Variants in PLEKHM2 observed in about 807,000 individuals in gnomAD.
PLEKHM2 encodes pleckstrin homology and RUN domain containing M2, also known as pleckstrin homology domain-containing family M member 2.
PLEKHM2 carries 77 observed loss-of-function variants against 116.3 expected under a neutral mutation model. The ratio of observed to expected loss-of-function variants is 0.66; its 90% confidence interval spans 0.55 to 0.80. The LOEUF (loss-of-function observed/expected upper bound fraction) is 0.80. Among genes scored for constraint, PLEKHM2 ranks in the 30% least tolerant of loss-of-function variants. The probability of loss-of-function intolerance (pLI) is 0.00; values close to 1 mark genes in which losing one functional copy is unlikely to be tolerated. For missense variants in PLEKHM2, 1,183 were observed against 1,354.9 expected, an observed-to-expected ratio of 0.87 and a Z score of 1.99; for synonymous variants, 562 against 571.0, an observed-to-expected ratio of 0.98 and a Z score of 0.22.
In PLEKHM2 at chr1:15,716,348, G is replaced by T; in HGVS notation, c.167+5G>T. 6.4e-7 allele frequency: 1 copy of T among 1,561,054 alleles called. No individual in the cohort carries two copies. On this transcript the variant is annotated splice_donor_5th_base_variant and intron_variant, in intron 2 of 19. Coordinates refer to ENST00000375799, the MANE Select transcript of PLEKHM2 (RefSeq NM_015164.4). ...GGACCACGCCCTGCTGTACGGGTAAGGTGGAGGAAGTTTCCAAAGATGACG... is the reference window on the plus strand; with the variant it reads ...GGACCACGCCCTGCTGTACGGGTAATGTGGAGGAAGTTTCCAAAGATGACG...
At chr1:15,715,216 T>C (rs1641420748) in intron 1 of PLEKHM2, among the ~76,000 whole-genome samples, 1 of 152,166 alleles carries the variant, frequency 6.6e-6, no homozygotes, top group Non-Finnish European at 1.5e-5. Context: ...GCCCTTAGTA[T>C]ATGCAGAGGG....
At chr1:15,682,877 T>C (rs774639956), upstream of PLEKHM2, 1 of 152,080 alleles carries the variant, frequency 6.6e-6, no homozygotes, top group Non-Finnish European at 1.5e-5. Flanking sequence ...CTAATCTATG[T>C]GTCAGGATAT....
At position 15,728,236 on chromosome 1, in the gene PLEKHM2, C is replaced by T. The variant is rs751444661; in HGVS notation, c.1831-31C>T. Reference sequence around the variant, plus strand: ...CCCCCGCTGGAGCGGCAGGAGCCACCTGCCTGACCCTTGTCTGCTTCGGCC... The same window carrying T: ...CCCCCGCTGGAGCGGCAGGAGCCACTTGCCTGACCCTTGTCTGCTTCGGCC... On this transcript the variant is annotated intron_variant, in intron 10 of 19. Transcript: ENST00000375799. The surrounding 1 kb of genome is among the most constrained non-coding windows in gnomAD (Gnocchi z 5.9). The T allele has an allele frequency of 6.2e-7, 1 of 1,610,568 alleles. No homozygotes were observed. The highest frequency in any genetic ancestry group is 2.2e-5 in the East Asian group (1 of 44,774).
intron 1 of PLEKHM2, among the ~76,000 whole-genome samples, chr1:15,687,832 T>C (rs1404474474): frequency 7.9e-5 from 12 of 152,230 alleles, no homozygotes; most frequent in Non-Finnish European, 1.6e-4. Flanking sequence ...CCTTGAGAGT[T>C]GCTTTGCCTT....
chr1:15,711,789 A>G (rs1398641139), intron 1 of PLEKHM2, among the ~76,000 whole-genome samples: 1 of 152,094 alleles, frequency 6.6e-6, no homozygotes, highest in African/African-American at 2.4e-5. Flanking sequence ...GGGGGGGAAA[A>G]TAATATATAA....
rs1305383258 is a variant in PLEKHM2, at chr1:15,719,340, T to G, written c.466-394T>G. Among the ~76,000 whole-genome samples the G allele has an allele frequency of 6.6e-6, 1 of 151,930 alleles. No individual in the cohort carries two copies. ...GGTGATGGGCGCCTATAATCTCAGC[T>G]ACTTGGGAGGCTGAGGCAGGAGAAT... On this transcript the variant is annotated intron_variant, in intron 5 of 19. Coordinates refer to ENST00000375799, the MANE Select transcript of PLEKHM2 (RefSeq NM_015164.4). The surrounding 1 kb of genome is among the most constrained non-coding windows in gnomAD (Gnocchi z 4.1).
intron 6 of PLEKHM2, chr1:15,720,598 G>A (rs1405956939): frequency 9.9e-6 from 4 of 405,276 alleles, no homozygotes; most frequent in African/African-American, 2.2e-5. Flanking sequence ...TTTATCTCCT[G>A]TAGGAGACCA....
chr1:15,724,861 G>A (rs2068041366), intron 7 of PLEKHM2, among the ~76,000 whole-genome samples: 1 of 152,176 alleles, frequency 6.6e-6, no homozygotes, highest in South Asian at 2.1e-4. Context: ...AGCCCTACAA[G>A]TGGGGTATGG....
At chr1:15,685,467 T>C (rs1640748017) in intron 1 of PLEKHM2, among the ~76,000 whole-genome samples, 1 of 151,236 alleles carries the variant, frequency 6.6e-6, no homozygotes, top group African/African-American at 2.4e-5. Context: ...GAATGGATTT[T>C]TCTCTCTCTC....
At chr1:15,710,607 G>A (rs1278578412) in intron 1 of PLEKHM2, among the ~76,000 whole-genome samples, 4 of 152,026 alleles carry the variant, frequency 2.6e-5, no homozygotes, top group African/African-American at 7.2e-5. Context: ...GATTACAGGC[G>A]TAAGCCACTG....
chr1:15,721,135 GGCCAGC>G lies in PLEKHM2; in HGVS notation c.653-190_653-185del. Reference sequence around the variant, plus strand: ...CTTTCCAGCTGGTTGGAGGCTCCTGGGCCAGCGCCTGAGCTGAGAGGCAGTCAGGGC... The same window carrying G: ...CTTTCCAGCTGGTTGGAGGCTCCTGGGCCTGAGCTGAGAGGCAGTCAGGGC... On this transcript the variant is annotated intron_variant, in intron 6 of 19. Coordinates refer to ENST00000375799, the MANE Select transcript of PLEKHM2 (RefSeq NM_015164.4). The surrounding 1 kb of genome is among the most constrained non-coding windows in gnomAD (Gnocchi z 5.1). 1 of 557,632 alleles carries G rather than the reference GGCCAGC, an allele frequency of 1.8e-6. No homozygotes were observed. Among genetic ancestry groups the G allele is most frequent in the East Asian group, 3.0e-5 (1 of 33,288 alleles). The allele number at this position is 557,632 out of a possible 1,614,324, so 34.5% of individuals were successfully genotyped here.
chr1:15,709,459 A>G (rs1641285258), intron 1 of PLEKHM2, among the ~76,000 whole-genome samples: 1 of 152,150 alleles, frequency 6.6e-6, no homozygotes, highest in Non-Finnish European at 1.5e-5. Context: ...TTTGCTACCC[A>G]GCTCCCAAAG....
chr1:15,725,432 G>C lies in PLEKHM2; in HGVS notation c.828G>C (p.Pro276=). Residue 276 remains proline, a synonymous_variant, in exon 8 of 20, where the codon CCG becomes CCC. Coordinates refer to ENST00000375799, the MANE Select transcript of PLEKHM2 (RefSeq NM_015164.4). ...TQRQNPFNEE[P]AETVSSSDTT... ...GCCAGAACCCCTTCAACGAGGAGCC[G>C]GCAGAGACTGTGTCCTCCTCTGACA... The C allele has an allele frequency of 1.3e-6, 2 of 1,562,022 alleles. No individual in the cohort carries two copies. The highest frequency in any genetic ancestry group is 1.7e-6 in the Non-Finnish European group (2 of 1,153,688).
At chr1:15,709,235 A>G (rs1641281207) in intron 1 of PLEKHM2, among the ~76,000 whole-genome samples, 1 of 152,342 alleles carries the variant, frequency 6.6e-6, no homozygotes, top group African/African-American at 2.4e-5. Context: ...GTAATTTGGC[A>G]TAAAAGATGA....
Position 15,731,271 on chromosome 1 carries a change from G to A in PLEKHM2, c.2465+14G>A. 1.3e-6 allele frequency: 2 copies of A among 1,566,142 alleles called. No homozygotes were observed. The highest frequency in any genetic ancestry group is 1.7e-6 in the Non-Finnish European group (2 of 1,152,734). ...GGTGAACATGGGGTAAGTGTCCCGGGAGAAGCGGGTGTATCCTGGGGCCCA... is the reference window on the plus strand; with the variant it reads ...GGTGAACATGGGGTAAGTGTCCCGGAAGAAGCGGGTGTATCCTGGGGCCCA... On this transcript the variant is annotated intron_variant, in intron 16 of 19. Transcript: ENST00000375799.
intron 8 of PLEKHM2, among the ~76,000 whole-genome samples, chr1:15,726,197 T>C (rs1178585470): frequency 6.6e-6 from 1 of 152,190 alleles, no homozygotes; most frequent in Non-Finnish European, 1.5e-5. Flanking sequence ...AGGGAGTTCT[T>C]GGAAGTTAAG....
At chr1:15,713,065 T>C (rs1164922797) in intron 1 of PLEKHM2, among the ~76,000 whole-genome samples, 1 of 152,174 alleles carries the variant, frequency 6.6e-6, no homozygotes, top group Non-Finnish European at 1.5e-5. Flanking sequence ...CCTCCCAAAG[T>C]GCTGGGATTA....
intron 2 of PLEKHM2, 82 bp from the exon 3 acceptor site, chr1:15,716,625 G>A: frequency 7.1e-7 from 1 of 1,415,470 alleles, no homozygotes. Flanking sequence ...TTCCTGCCTT[G>A]CGCTCACTGC....
At chr1:15,689,498 G>A (rs909623227) in intron 1 of PLEKHM2, among the ~76,000 whole-genome samples, 4 of 152,164 alleles carry the variant, frequency 2.6e-5, no homozygotes, top group Non-Finnish European at 4.4e-5. Context: ...AGGCTTCAGC[G>A]GTATGCAGAC....
Sources: gnomAD v4.1 joint callset for allele counts (sites outside exome capture counted in the v4.1 genomes callset) on GRCh38, gnomAD v4.1.1 for gene constraint, Gnocchi (gnomAD v3.1) non-coding constraint, MANE v1.5 for transcripts, NCBI Gene and HGNC (gene_info 2026-07-23, HGNC 2026-07-21) for gene names.